The following EPB41L3 variants were observed in gnomAD, a reference collection of about 807,000 sequenced individuals.
EPB41L3 encodes band 4.1-like protein 3.
EPB41L3 carries 57 observed loss-of-function variants against 127.1 expected under a neutral mutation model. The ratio of observed to expected loss-of-function variants is 0.45; its 90% confidence interval spans 0.36 to 0.56. The LOEUF (loss-of-function observed/expected upper bound fraction) is 0.56. EPB41L3 is among the 20% of genes least tolerant of loss of function. EPB41L3 has a pLI of 0.00. For missense variants in EPB41L3, 1,273 were observed against 1,372.2 expected (o/e 0.93, Z 1.14); for synonymous variants, 572 against 549.5 (o/e 1.04, Z -0.57).
At chr18:5,519,947 T>C (rs2092919181) in intron 1 of EPB41L3, among the ~76,000 whole-genome samples, 1 of 152,184 alleles carries the variant, frequency 6.6e-6, no homozygotes, top group Non-Finnish European at 1.5e-5. Context: ...ACCTAAAATG[T>C]CTGCAGGCAT....
At chr18:5,394,440 C>T (rs1426604789) in intron 22 of EPB41L3, 2 of 449,392 alleles carry the variant, frequency 4.5e-6, no homozygotes, top group Non-Finnish European at 8.1e-6. Context: ...AGCATAGAAG[C>T]ATAGACTCTG....
At chr18:5,527,224 T>C (rs1056026832) in intron 1 of EPB41L3, among the ~76,000 whole-genome samples, 3 of 152,268 alleles carry the variant, frequency 2.0e-5, no homozygotes, top group Middle Eastern at 3.4e-3. Context: ...ATGACTCTCA[T>C]TGCTCGGTGG....
In EPB41L3 at chr18:5,489,210, A is replaced by C. The variant is rs1303303136; in HGVS notation, c.-11-16T>G. On this transcript the variant is annotated splice_polypyrimidine_tract_variant and intron_variant, in intron 1 of 22. Transcript: ENST00000341928. ...GTTGATTGTTCTGCAAGCAGAAAAA[A>C]GGGAAGAGCAGGTCACTCCGTGCCA... 6.3e-7 allele frequency: 1 copy of C among 1,583,498 alleles called. No individual in the cohort carries two copies.
intron 1 of EPB41L3, among the ~76,000 whole-genome samples, chr18:5,621,651 G>C (rs1390750730): frequency 2.6e-5 from 4 of 152,196 alleles, no homozygotes; most frequent in Non-Finnish European, 5.9e-5. Flanking sequence ...TGAGGCAGGA[G>C]AATCACTTGG....
intron 3 of EPB41L3, among the ~76,000 whole-genome samples, chr18:5,590,927 C>T (rs1785382): frequency 0.4 from 60,525 of 151,854 alleles, 12,669 homozygotes; most frequent in Non-Finnish European, 0.47. Flanking sequence ...GGTATGACTA[C>T]GAAGGGGTAG....
chr18:5,514,490 A>G (rs2092674091), intron 1 of EPB41L3, among the ~76,000 whole-genome samples: 1 of 152,088 alleles, frequency 6.6e-6, no homozygotes, highest in African/African-American at 2.4e-5. Flanking sequence ...ATAATCCACC[A>G]GCAAATAATT....
intron 3 of EPB41L3, among the ~76,000 whole-genome samples, chr18:5,553,591 A>C (rs758035912): frequency 2.0e-5 from 3 of 152,226 alleles, no homozygotes; most frequent in Non-Finnish European, 2.9e-5. Flanking sequence ...GCAGTCTACA[A>C]GTTAAGAGTT....
At chr18:5,398,420 T>C in intron 16 of EPB41L3, 1 of 456,404 alleles carries the variant, frequency 2.2e-6, no homozygotes, top group Admixed American at 3.9e-5. Flanking sequence ...ACAGCAGCAC[T>C]ATCACATCTT....
chr18:5,396,821 C>G (rs954504126), intron 18 of EPB41L3, among the ~76,000 whole-genome samples: 1 of 152,114 alleles, frequency 6.6e-6, no homozygotes, highest in African/African-American at 2.4e-5. Flanking sequence ...AGAGTAGAAA[C>G]CATTTCCTGG....
chr18:5,510,362 C>T (rs561025635), intron 1 of EPB41L3, among the ~76,000 whole-genome samples: 1 of 152,284 alleles, frequency 6.6e-6, no homozygotes, highest in South Asian at 2.1e-4. Flanking sequence ...AGCTGTAGAT[C>T]CCCAATCTGG....
At chr18:5,405,026 G>A (rs911961338) in intron 16 of EPB41L3, among the ~76,000 whole-genome samples, 1 of 152,168 alleles carries the variant, frequency 6.6e-6, no homozygotes, top group Non-Finnish European at 1.5e-5. Flanking sequence ...GGTGGTAGTC[G>A]TACTTTTCAC....
intron 3 of EPB41L3, chr18:5,567,527 T>C (rs2094222313): frequency 6.6e-6 from 1 of 152,080 alleles, no homozygotes; most frequent in Admixed American, 6.6e-5. Context: ...TCCAGTTTTG[T>C]AGGTTTGTAC....
At chr18:5,543,999 G>T, upstream of EPB41L3, 1 of 985,544 alleles carries the variant, frequency 1.0e-6, no homozygotes, top group Non-Finnish European at 1.2e-6. The surrounding 1 kb of genome is among the most constrained non-coding windows in gnomAD (Gnocchi z 5.2). Context: ...AGGAGACTCG[G>T]GCGTGGGGAG....
intron 1 of EPB41L3, among the ~76,000 whole-genome samples, chr18:5,492,799 G>A (rs2090749273): frequency 6.6e-6 from 1 of 152,150 alleles, no homozygotes; most frequent in African/African-American, 2.4e-5. Context: ...TTGGGGTAAG[G>A]ACATTCATAA....
At chr18:5,447,593 G>C (rs1568218464) in intron 3 of EPB41L3, among the ~76,000 whole-genome samples, 1 of 151,890 alleles carries the variant, frequency 6.6e-6, no homozygotes, top group East Asian at 1.9e-4. Flanking sequence ...GGCTTCACTG[G>C]ACCCTATGCC....
chr18:5,446,435 G>C (rs187245765), intron 3 of EPB41L3, among the ~76,000 whole-genome samples: 2 of 152,298 alleles, frequency 1.3e-5, no homozygotes, highest in African/African-American at 2.4e-5. Context: ...CATGAAGTCT[G>C]TGACGAATTA....
At chr18:5,531,641 T>A (rs2093413123) in intron 1 of EPB41L3, among the ~76,000 whole-genome samples, 1 of 148,336 alleles carries the variant, frequency 6.7e-6, no homozygotes, top group South Asian at 2.1e-4. Context: ...GAGAATCACT[T>A]GAACCTGGGA....
chr18:5,567,347 T>A (rs560524709), intron 3 of EPB41L3: 1 of 152,242 alleles, frequency 6.6e-6, no homozygotes, highest in African/African-American at 2.4e-5. Flanking sequence ...TTTTTTTCAA[T>A]AATTAGAATT....
At chr18:5,492,122 C>T (rs2090666992) in intron 1 of EPB41L3, among the ~76,000 whole-genome samples, 1 of 152,074 alleles carries the variant, frequency 6.6e-6, no homozygotes, top group Non-Finnish European at 1.5e-5. Context: ...GAGTTCAGGA[C>T]CAGCCTGAAC....
Sources: allele counts gnomAD v4.1 joint callset (sites outside exome capture counted in the v4.1 genomes callset), GRCh38; gene constraint gnomAD v4.1.1; non-coding constraint Gnocchi (gnomAD v3.1); transcripts MANE v1.5; gene names NCBI Gene and HGNC (gene_info 2026-07-23, HGNC 2026-07-21).